Variants in IL4 observed in about 807,000 individuals in gnomAD.
IL4 encodes the protein interleukin 4.
A neutral mutation model predicts 17.4 loss-of-function variants in IL4; 10 were observed. The observed-to-expected ratio is 0.57, with a 90% CI of 0.35 to 0.97. The LOEUF (loss-of-function observed/expected upper bound fraction) is 0.97, where lower values mean the gene tolerates loss of function less well. Ranked by LOEUF, IL4 falls within the 50% of genes least tolerant of loss-of-function variation. The pLI is 0.01. For missense variants in IL4, 174 were observed against 187.7 expected (o/e 0.93, Z 0.43); for synonymous variants, 87 against 79.0 (o/e 1.10, Z -0.54).
chr5:132,681,515 C>A (rs1752488603), intron 3 of IL4, among the ~76,000 whole-genome samples: 1 of 152,122 alleles, frequency 6.6e-6, no homozygotes, highest in African/African-American at 2.4e-5. Flanking sequence ...GCAGAACACT[C>A]TTTGAAGATG....
chr5:132,675,197 T>A (rs1256126698), intron 2 of IL4, among the ~76,000 whole-genome samples: 1 of 152,220 alleles, frequency 6.6e-6, no homozygotes, highest in Non-Finnish European at 1.5e-5. Context: ...GAGATAGATT[T>A]GACAGCTGAT....
Position 132,674,199 on chromosome 5 carries a change from T to C in IL4, c.135+14T>C. On this transcript the variant is annotated intron_variant, in intron 1 of 3. Coordinates refer to ENST00000231449, the MANE Select transcript of IL4 (RefSeq NM_000589.4). ...ACAGAGCAGAAGGTGAGTACCTATCTGGCACCATCTCTCCAGATGTTCTGG... is the reference window on the plus strand; with the variant it reads ...ACAGAGCAGAAGGTGAGTACCTATCCGGCACCATCTCTCCAGATGTTCTGG... 6.2e-7 allele frequency: 1 copy of C among 1,612,572 alleles called. No homozygotes were observed. Among genetic ancestry groups the C allele is most frequent in the African/African-American group, 1.3e-5 (1 of 75,030 alleles).
Position 132,674,071 on chromosome 5 carries a change from G to GCTT in IL4, c.23_25dup (p.Leu8dup). On this transcript the variant is annotated inframe_insertion, in exon 1 of 4. Transcript: ENST00000231449. ...TATTAATGGGTCTCACCTCCCAACTGCTTCCCCCTCTGTTCTTCCTGCTAG... is the reference window on the plus strand; with the variant it reads ...TATTAATGGGTCTCACCTCCCAACTGCTTCTTCCCCCTCTGTTCTTCCTGCTAG... 6.2e-7 allele frequency: 1 copy of GCTT among 1,614,124 alleles called. No homozygotes were observed. Among genetic ancestry groups the GCTT allele is most frequent in the Non-Finnish European group, 8.5e-7 (1 of 1,180,006 alleles).
chr5:132,682,182 C>T (rs565932793), intron 3 of IL4, among the ~76,000 whole-genome samples: 1 of 152,268 alleles, frequency 6.6e-6, no homozygotes, highest in Admixed American at 6.5e-5. Context: ...TCAAGTTCCA[C>T]CCTCTGAGCA....
chr5:132,681,881 T>C (rs528440883), intron 3 of IL4, among the ~76,000 whole-genome samples: 8 of 152,334 alleles, frequency 5.3e-5, no homozygotes, highest in South Asian at 2.1e-4. Flanking sequence ...CATTATCTTA[T>C]GAAGCAGGCA....
In IL4 at chr5:132,676,904, G is replaced by A. The variant is rs189969938; in HGVS notation, c.183+2398G>A. Reference sequence around the variant, plus strand: ...TGCTGGAAAGAAGGCACTGGTCTAGGTCCTGGGCTTCACAGGTAACACCTG... The same window carrying A: ...TGCTGGAAAGAAGGCACTGGTCTAGATCCTGGGCTTCACAGGTAACACCTG... On this transcript the variant is annotated intron_variant, in intron 2 of 3. Transcript: ENST00000231449. Among the ~76,000 whole-genome samples the A allele has an allele frequency of 6.6e-5, 10 of 152,268 alleles. No homozygotes were observed. The East Asian group carries it at 1.5e-3, about 24-fold the overall frequency.
chr5:132,675,096 G>A (rs529360259), intron 2 of IL4, among the ~76,000 whole-genome samples: 43 of 152,218 alleles, frequency 2.8e-4, no homozygotes, highest in Admixed American at 1.4e-3. Flanking sequence ...GCTGGGCAGC[G>A]TCCAGCACAT....
At chr5:132,675,929 A>ATGTGTGTATGTG (rs1752375284) in intron 2 of IL4, among the ~76,000 whole-genome samples, 1 of 140,942 alleles carries the variant, frequency 7.1e-6, no homozygotes, top group Non-Finnish European at 1.5e-5. Flanking sequence ...GTGTATGTAT[A>ATGTGTGTATGTG]TGTGTGTGTG....
Position 132,679,834 on chromosome 5 carries a change from C to A in IL4, c.304C>A (p.Gln102Lys). 1.2e-6 allele frequency: 2 copies of A among 1,613,990 alleles called. No individual in the cohort carries two copies. The highest frequency in any genetic ancestry group is 1.1e-5 in the South Asian group (1 of 91,078). ...ATAQQFHRHK[Q>K]LIRFLKRLDR... ...TGCACAGCAGTTCCACAGGCACAAGCAGCTGATCCGATTCCTGAAACGGCT... is the reference window on the plus strand; with the variant it reads ...TGCACAGCAGTTCCACAGGCACAAGAAGCTGATCCGATTCCTGAAACGGCT... The change falls in exon 3 of 4, where the codon CAG (glutamine) becomes AAG (lysine). Residue 102 changes from glutamine (Q) to lysine (K), a missense_variant. Gln to Lys is a moderately conservative substitution (Grantham distance 53). Coordinates refer to ENST00000231449, the MANE Select transcript of IL4 (RefSeq NM_000589.4).
At chr5:132,674,595 C>G in intron 2 of IL4, 89 bp downstream of exon 2, 1 of 1,067,794 alleles carries the variant, frequency 9.4e-7, no homozygotes, top group Non-Finnish European at 1.4e-6. Flanking sequence ...GGAAAACGAG[C>G]GGGCCCAAAT....
At chr5:132,677,075 A>C (rs1230605143) in intron 2 of IL4, among the ~76,000 whole-genome samples, 1 of 152,250 alleles carries the variant, frequency 6.6e-6, no homozygotes, top group Non-Finnish European at 1.5e-5. Flanking sequence ...ATAATTCTAC[A>C]GAGAGTTCCA....
intron 3 of IL4, among the ~76,000 whole-genome samples, chr5:132,681,221 G>C (rs117001879): frequency 6.6e-6 from 1 of 152,182 alleles, no homozygotes; most frequent in African/African-American, 2.4e-5. Context: ...CAGGAGAGGA[G>C]GATCCAGCCA....
chr5:132,681,132 TTAGA>T (rs1214044210), intron 3 of IL4, among the ~76,000 whole-genome samples: 2 of 152,146 alleles, frequency 1.3e-5, no homozygotes, highest in Non-Finnish European at 2.9e-5. Flanking sequence ...AGGAGAGTCC[TTAGA>T]TAGATACTGC....
At chr5:132,676,241 A>G (rs1315449904) in intron 2 of IL4, among the ~76,000 whole-genome samples, 1 of 152,168 alleles carries the variant, frequency 6.6e-6, no homozygotes, top group African/African-American at 2.4e-5. Context: ...CCACATGTGA[A>G]GATATGAAAG....
At chr5:132,675,929 A>ATGCG (rs1752375142) in intron 2 of IL4, among the ~76,000 whole-genome samples, 1 of 140,942 alleles carries the variant, frequency 7.1e-6, no homozygotes, top group South Asian at 2.3e-4. Flanking sequence ...GTGTATGTAT[A>ATGCG]TGTGTGTGTG....
intron 2 of IL4, among the ~76,000 whole-genome samples, chr5:132,675,849 A>ATG (rs58175446): frequency 0.073 from 10,508 of 144,876 alleles, 992 homozygotes; most frequent in East Asian, 0.37. Flanking sequence ...GCAACAGTTT[A>ATG]TGTGTGTGTG....
At chr5:132,675,929 A>ATATGTG (rs150233516) in intron 2 of IL4, among the ~76,000 whole-genome samples, 2 of 140,942 alleles carry the variant, frequency 1.4e-5, no homozygotes, top group African/African-American at 5.5e-5. Flanking sequence ...GTGTATGTAT[A>ATATGTG]TGTGTGTGTG....
intron 3 of IL4, 52 bp from the exon 4 acceptor site, chr5:132,682,434 C>A: frequency 1.9e-6 from 2 of 1,070,144 alleles, no homozygotes; most frequent in Non-Finnish European, 2.9e-6. Flanking sequence ...AGTAGACAGG[C>A]AGGCAAGACA....
intron 1 of IL4, 71 bp from the exon 2 acceptor site, chr5:132,674,382 AGCTGCT>A: frequency 6.9e-7 from 1 of 1,454,656 alleles, no homozygotes; most frequent in Non-Finnish European, 9.7e-7. Flanking sequence ...AGGGAGTGAG[AGCTGCT>A]CATCAAGGAC....
Sources: allele counts gnomAD v4.1 joint callset (sites outside exome capture counted in the v4.1 genomes callset), GRCh38; gene constraint gnomAD v4.1.1; transcripts MANE v1.5; gene names NCBI Gene and HGNC (gene_info 2026-07-23, HGNC 2026-07-21).